The following ZNF558 variants were observed in gnomAD, a reference collection of about 807,000 sequenced individuals.
The protein encoded by ZNF558 is zinc finger protein 558.
A neutral mutation model predicts 37.6 loss-of-function variants in ZNF558; 23 were observed. That is an observed-to-expected ratio of 0.61 (90% CI 0.44 to 0.87). ZNF558 has a LOEUF of 0.87. Among genes scored for constraint, ZNF558 ranks in the 40% least tolerant of loss-of-function variants. The pLI is 0.00. For synonymous variants in ZNF558, 189 were observed against 174.4 expected (o/e 1.08, Z -0.66); for missense variants, 429 against 483.7 (o/e 0.89, Z 1.06).
Position 8,808,250 on chromosome 19 carries a change from G to A in ZNF558, c.*3031C>T, listed in dbSNP as rs889431040. The A allele has an allele frequency of 3.3e-5, 5 of 152,248 alleles. No individual in the cohort carries two copies. Among genetic ancestry groups the A allele is most frequent in the Admixed American group, 3.3e-4 (5 of 15,292 alleles). The allele number at this position is 152,248 out of a possible 1,614,324, so 9.4% of individuals were successfully genotyped here. A position where few individuals can be genotyped will look rare whatever the true frequency, so the allele number is the denominator to read the frequency against. ...TGGAACCTGGGAGGCCAAGGTTGCA[G>A]TGAGCCGAGATCGCACCATTGCACT... is the stretch of plus-strand genomic sequence containing the variant. On this transcript the variant is annotated 3_prime_UTR_variant, in exon 10 of 10. Coordinates refer to ENST00000601372, the MANE Select transcript of ZNF558 (RefSeq NM_144693.3).
At chr19:8,829,099 T>C (rs890304948) in intron 2 of ZNF558, among the ~76,000 whole-genome samples, 30 of 151,760 alleles carry the variant, frequency 2.0e-4, no homozygotes, top group African/African-American at 7.3e-4. Context: ...CCGTCTCTAC[T>C]GAAAATACAA....
chr19:8,809,601 T>G lies in ZNF558; in HGVS notation c.*1680A>C, dbSNP rs1447930866. On this transcript the variant is annotated 3_prime_UTR_variant, in exon 10 of 10. Coordinates refer to ENST00000601372, the MANE Select transcript of ZNF558 (RefSeq NM_144693.3). ...TGTGTTTATAAATACTAATTTCCAT[T>G]ATGATAAACTGAATCACTCAGAAGG... The G allele has an allele frequency of 6.6e-6, 1 of 152,198 alleles. No individual in the cohort carries two copies. Among genetic ancestry groups the G allele is most frequent in the East Asian group, 1.9e-4 (1 of 5,200 alleles). 9.4% of individuals were successfully genotyped at this position (152,198 alleles called of 1,614,324 possible).
intron 7 of ZNF558, among the ~76,000 whole-genome samples, chr19:8,816,301 G>A (rs1028168790): frequency 1.3e-5 from 2 of 152,088 alleles, no homozygotes; most frequent in Admixed American, 6.5e-5. Context: ...GACCTCAAGG[G>A]GTCCTTCTGC....
At chr19:8,835,614 G>A (rs375115416), upstream of ZNF558, among the ~76,000 whole-genome samples, 30 of 152,292 alleles carry the variant, frequency 2.0e-4, no homozygotes, top group East Asian at 2.9e-3. Flanking sequence ...TTGCAAAATA[G>A]TTTGGCAGTT....
chr19:8,812,750 C>CAA (rs1229596505), intron 8 of ZNF558, 107 bp from the exon 9 acceptor site: 46 of 623,700 alleles, frequency 7.4e-5, no homozygotes, highest in African/African-American at 7.1e-4. Context: ...AGGATGTTTG[C>CAA]AACAAAGAGG....
chr19:8,823,324 G>A (rs999868236), intron 4 of ZNF558, among the ~76,000 whole-genome samples: 1 of 149,404 alleles, frequency 6.7e-6, no homozygotes. Context: ...CCGACCACAC[G>A]CAGGCCTCAG....
In ZNF558 at chr19:8,821,072, G is replaced by A. The variant is rs956057218; in HGVS notation, c.247+108C>T. On this transcript the variant is annotated intron_variant, in intron 7 of 9. Coordinates refer to ENST00000601372, the MANE Select transcript of ZNF558 (RefSeq NM_144693.3). ...TGGATATCTTAGAATGGTTAAAAAT[G>A]GTGAATTTTATGTTGTATGGATTTT... 1.5e-5 allele frequency: 22 copies of A among 1,471,188 alleles called. No individual in the cohort carries two copies. In the African/African-American group the frequency reaches 2.0e-4, roughly 13 times the overall value. 91.1% of individuals were successfully genotyped at this position (1,471,188 alleles called of 1,614,324 possible). A position where few individuals can be genotyped will look rare whatever the true frequency, so the allele number is the denominator to read the frequency against.
intron 6 of ZNF558, 123 bp from the exon 7 acceptor site, chr19:8,821,429 G>T: frequency 6.3e-7 from 1 of 1,578,852 alleles, no homozygotes. Flanking sequence ...GGGGGGGGTG[G>T]TTCTGAGCTC....
At chr19:8,829,139 G>A (rs2044295736) in intron 2 of ZNF558, among the ~76,000 whole-genome samples, 1 of 151,838 alleles carries the variant, frequency 6.6e-6, no homozygotes, top group African/African-American at 2.4e-5. Flanking sequence ...GTAGGCGCCT[G>A]TAATCCCAGC....
chr19:8,835,053 T>G (rs1296510554), upstream of ZNF558, among the ~76,000 whole-genome samples: 1 of 152,130 alleles, frequency 6.6e-6, no homozygotes, highest in Admixed American at 6.5e-5. Context: ...AAAGAGTTTT[T>G]TTTTTTTTTT....
chr19:8,818,082 T>TA, intron 7 of ZNF558, among the ~76,000 whole-genome samples: 1 of 152,228 alleles, frequency 6.6e-6, no homozygotes, highest in East Asian at 1.9e-4. Flanking sequence ...TGTTAGGCTA[T>TA]AAAAAAAGTC....
chr19:8,828,449 C>A (rs2145302104), intron 2 of ZNF558, among the ~76,000 whole-genome samples: 1 of 152,264 alleles, frequency 6.6e-6, no homozygotes, highest in South Asian at 2.1e-4. Flanking sequence ...GTCACTTCTC[C>A]CAGCCAGTTA....
the ZNF558 span, among the ~76,000 whole-genome samples, chr19:8,837,626 A>G: frequency 8.5e-5 from 13 of 152,282 alleles, no homozygotes; most frequent in East Asian, 2.5e-3. Flanking sequence ...GCCTTGTGAC[A>G]GGGATAAAGA....
Position 8,827,311 on chromosome 19 carries a change from TAA to T in ZNF558, c.-508-2205_-508-2204del, listed in dbSNP as rs144209305. On this transcript the variant is annotated intron_variant, in intron 2 of 9. Coordinates refer to ENST00000601372, the MANE Select transcript of ZNF558 (RefSeq NM_144693.3). ...AATGTGACTAGTATGGCTGAGAAAA[TAA>T]ATTTTATTTTTTTTGGGAGCAATCA... is the stretch of plus-strand genomic sequence containing the variant. Among the ~76,000 whole-genome samples, 78 of 152,244 alleles carry T rather than the reference TAA, an allele frequency of 5.1e-4. 1 individual carries two copies. In the East Asian group the frequency reaches 8.9e-3, roughly 17 times the overall value.
In ZNF558 at chr19:8,822,799, C is replaced by G; in HGVS notation, c.-65-75G>C. On this transcript the variant is annotated intron_variant, in intron 4 of 9. Coordinates refer to ENST00000601372, the MANE Select transcript of ZNF558 (RefSeq NM_144693.3). The surrounding 1 kb of genome is among the most constrained non-coding windows in gnomAD (Gnocchi z 4.4). ...GCTGCTGGGGATGGGCCCTCCTCAACCCATCCTTCCCATCCTTCTTCAAAT... is the reference window on the plus strand; with the variant it reads ...GCTGCTGGGGATGGGCCCTCCTCAAGCCATCCTTCCCATCCTTCTTCAAAT... The G allele has an allele frequency of 8.3e-7, 1 of 1,202,158 alleles. No individual in the cohort carries two copies. The highest frequency in any genetic ancestry group is 1.2e-6 in the Non-Finnish European group (1 of 844,252). 74.5% of individuals were successfully genotyped at this position (1,202,158 alleles called of 1,614,324 possible). A position where few individuals can be genotyped will look rare whatever the true frequency, so the allele number is the denominator to read the frequency against.
At chr19:8,823,049 C>T (rs921665244) in intron 4 of ZNF558, among the ~76,000 whole-genome samples, 8 of 152,002 alleles carry the variant, frequency 5.3e-5, no homozygotes, top group East Asian at 3.9e-4. Context: ...CCGGGGACTC[C>T]GGCGCCTCCA....
chr19:8,836,623 C>G (rs2044458826), upstream of ZNF558, among the ~76,000 whole-genome samples: 1 of 152,178 alleles, frequency 6.6e-6, no homozygotes, highest in Admixed American at 6.5e-5. Flanking sequence ...TCCCGAGTAG[C>G]TGGGACTGCA....
At chr19:8,825,374 A>C (rs942901419) in intron 2 of ZNF558, among the ~76,000 whole-genome samples, 1 of 152,106 alleles carries the variant, frequency 6.6e-6, no homozygotes, top group Non-Finnish European at 1.5e-5. Flanking sequence ...CGATGGCAAA[A>C]CCTGCAATTA....
In ZNF558 at chr19:8,806,929, T is replaced by C. The variant is rs1005995881; in HGVS notation, c.*4352A>G. ...TTGAAAGCAATGTGTCCTTCTTCTT[T>C]GGTTGTTTGGTAGATTTGCAGTTTG... On this transcript the variant is annotated 3_prime_UTR_variant, in exon 10 of 10. Coordinates refer to ENST00000601372, the MANE Select transcript of ZNF558 (RefSeq NM_144693.3). 3.3e-5 allele frequency: 5 copies of C among 152,228 alleles called. No homozygotes were observed. The highest frequency in any genetic ancestry group is 5.9e-5 in the Non-Finnish European group (4 of 68,042). 9.4% of individuals were successfully genotyped at this position (152,228 alleles called of 1,614,324 possible). A position where few individuals can be genotyped will look rare whatever the true frequency, so the allele number is the denominator to read the frequency against.
Sources: gnomAD v4.1 joint callset for allele counts (sites outside exome capture counted in the v4.1 genomes callset) on GRCh38, gnomAD v4.1.1 for gene constraint, Gnocchi (gnomAD v3.1) non-coding constraint, MANE v1.5 for transcripts, NCBI Gene and HGNC (gene_info 2026-07-23, HGNC 2026-07-21) for gene names.